PDE1C: variants seen among roughly 807,000 people sequenced by gnomAD.
The protein encoded by PDE1C is phosphodiesterase 1C.
In PDE1C, 62 loss-of-function variants were observed where a neutral mutation model predicts 93.1. That is an observed-to-expected ratio of 0.67 (90% confidence interval 0.54 to 0.82). The LOEUF (loss-of-function observed/expected upper bound fraction) is 0.82. PDE1C is among the 40% of genes least tolerant of loss of function. PDE1C has a pLI of 0.00. For missense variants in PDE1C, 742 were observed against 884.6 expected, an observed-to-expected ratio of 0.84 and a Z score of 2.04; for synonymous variants, 325 against 310.1, an observed-to-expected ratio of 1.05 and a Z score of -0.50.
intron 1 of PDE1C, among the ~76,000 whole-genome samples, chr7:32,222,970 T>C (rs1806986222): frequency 6.6e-6 from 1 of 152,182 alleles, no homozygotes; most frequent in South Asian, 2.1e-4. Flanking sequence ...CAGTAAATCG[T>C]GCGGGCTTCA....
At chr7:31,642,151 C>A in the PDE1C span, 7 of 1,534,168 alleles carry the variant, frequency 4.6e-6, no homozygotes, top group Non-Finnish European at 6.2e-6. Flanking sequence ...CCTTTAATAA[C>A]CTCAAGACCT....
At chr7:31,748,756 T>C (rs1319158694), downstream of PDE1C, among the ~76,000 whole-genome samples, 2 of 152,310 alleles carry the variant, frequency 1.3e-5, no homozygotes, top group East Asian at 3.9e-4. Context: ...AGGGCCACGC[T>C]TGGAGGCCAA....
At chr7:32,398,678 G>A (rs955926572) in intron 1 of PDE1C, among the ~76,000 whole-genome samples, 4 of 151,888 alleles carry the variant, frequency 2.6e-5, no homozygotes, top group African/African-American at 9.7e-5. Flanking sequence ...CGTGAACCAC[G>A]GTGCCCGGCC....
chr7:32,415,364 T>C (rs7801105), intron 1 of PDE1C, among the ~76,000 whole-genome samples: 5,370 of 152,196 alleles, frequency 0.035, 329 homozygotes, highest in African/African-American at 0.12. Flanking sequence ...GGCAGGAGAA[T>C]AGCTTGAATC....
intron 15 of PDE1C, among the ~76,000 whole-genome samples, chr7:31,812,035 G>A (rs986906410): frequency 3.9e-5 from 6 of 152,208 alleles, no homozygotes; most frequent in South Asian, 2.1e-4. Flanking sequence ...AATGGCTGAC[G>A]TGAGCTGTTA....
At chr7:31,768,819 AGTGGCCCAGGCT>A (rs924796550) in intron 17 of PDE1C, among the ~76,000 whole-genome samples, 5 of 151,226 alleles carry the variant, frequency 3.3e-5, no homozygotes, top group African/African-American at 1.2e-4. Flanking sequence ...TTTTGAATGG[AGTGGCCCAGGCT>A]GTGGCCCAGG....
At chr7:31,941,299 AG>A (rs1337379219) in intron 2 of PDE1C, 1 of 164,216 alleles carries the variant, frequency 6.1e-6, no homozygotes, top group Non-Finnish European at 1.4e-5. Flanking sequence ...TCTTCACCCT[AG>A]GGTCAAGTCC....
At chr7:31,795,418 G>A (rs1475837861) in intron 16 of PDE1C, among the ~76,000 whole-genome samples, 1 of 151,640 alleles carries the variant, frequency 6.6e-6, no homozygotes, top group Admixed American at 6.6e-5. Flanking sequence ...TTGAACATCA[G>A]TATTAAGGAA....
chr7:32,369,859 A>G lies in PDE1C; in HGVS notation c.310+57963T>C, dbSNP rs567708127. On this transcript the variant is annotated intron_variant, in intron 1 of 1. Transcript: ENST00000672256. ...GGTGCTGGAGAGGATGTGGAGAAAT[A>G]GGAACACTTTTACACTGTTGGTAGG... 7.2e-5 allele frequency among the ~76,000 whole-genome samples: 11 copies of G among 152,342 alleles called. No individual in the cohort carries two copies. The East Asian group carries it at 2.1e-3, about 29-fold the overall frequency.
chr7:32,369,036 A>C (rs1027110184), intron 1 of PDE1C, among the ~76,000 whole-genome samples: 3 of 152,166 alleles, frequency 2.0e-5, no homozygotes, highest in African/African-American at 7.2e-5. Context: ...AAACTGTAAA[A>C]CTACTAGAAG....
In PDE1C at chr7:32,420,120, TATATACACAC is replaced by T. The variant is rs1157671467; in HGVS notation, c.310+7692_310+7701del. On this transcript the variant is annotated intron_variant, in intron 1 of 1. Transcript: ENST00000672256. The stretch of plus-strand genomic sequence containing the variant: ...ATATATATATATATATATATATATA[TATATACACAC>T]ACACACACACACACACACACACACA... Among the ~76,000 whole-genome samples the T allele has an allele frequency of 1.6e-3, 37 of 23,166 alleles. 3 individuals are homozygous for T. Among genetic ancestry groups the T allele is most frequent in the Non-Finnish European group, 2.1e-3 (23 of 11,176 alleles). The allele number at this position is 23,166 out of a possible 152,430, so 15.2% of individuals were successfully genotyped here.
At chr7:32,097,422 C>G (rs1797809777) in intron 3 of PDE1C, among the ~76,000 whole-genome samples, 1 of 152,186 alleles carries the variant, frequency 6.6e-6, no homozygotes, top group Non-Finnish European at 1.5e-5. Context: ...GACAACCCAA[C>G]TCCAGGGCTC....
Position 32,092,164 on chromosome 7 carries a change from TGA to T in PDE1C, c.308+77619_308+77620del, listed in dbSNP as rs3078655. ...TTCCAAAGATGTTTCCTTTTGTTCA[TGA>T]GAGAGAGAGAGAGAGAGAGACTTAC... On this transcript the variant is annotated intron_variant, in intron 3 of 18. Coordinates refer to the PDE1C transcript ENST00000396193. Among the ~76,000 whole-genome samples the T allele has an allele frequency of 6.1e-4, 91 of 148,944 alleles. No individual in the cohort carries two copies. In the South Asian group the frequency reaches 0.014, roughly 23 times the overall value.
intron 3 of PDE1C, among the ~76,000 whole-genome samples, chr7:32,133,911 G>C (rs148569381): frequency 1.8e-3 from 276 of 151,762 alleles, no homozygotes; most frequent in African/African-American, 6.2e-3. Flanking sequence ...GAAAAGACAG[G>C]AAATTTCAGC....
At chr7:32,258,624 T>C (rs896983071) in intron 1 of PDE1C, among the ~76,000 whole-genome samples, 2 of 152,080 alleles carry the variant, frequency 1.3e-5, no homozygotes, top group African/African-American at 4.8e-5. Context: ...GGAATCACCA[T>C]GTTAAAAAGA....
intron 2 of PDE1C, among the ~76,000 whole-genome samples, chr7:32,179,450 G>A (rs7791341): frequency 5.5e-4 from 83 of 151,898 alleles, no homozygotes; most frequent in African/African-American, 1.7e-3. Context: ...TAGTAGAGAC[G>A]GCGTTTCACC....
the PDE1C span, among the ~76,000 whole-genome samples, chr7:31,744,353 G>A: frequency 4.6e-5 from 7 of 152,120 alleles, no homozygotes; most frequent in African/African-American, 9.7e-5. Flanking sequence ...ATACAGAAAT[G>A]TAGTGAATGA....
rs544443262 is a variant in PDE1C, at chr7:32,041,773, A to G, written c.128+9781T>C. Among the ~76,000 whole-genome samples the G allele has an allele frequency of 3.3e-5, 5 of 152,356 alleles. No homozygotes were observed. In the East Asian group the frequency reaches 9.7e-4, roughly 29 times the overall value. On this transcript the variant is annotated intron_variant, in intron 2 of 17. Coordinates refer to ENST00000396191, the MANE Select transcript of PDE1C (RefSeq NM_001191057.4). ...TCCCTTTCAATCACATTACTTAAAT[A>G]TAGCTTGTTGTTTTTTTGTTAAGTC...
At chr7:32,009,213 T>A (rs373133570) in intron 2 of PDE1C, among the ~76,000 whole-genome samples, 1 of 152,164 alleles carries the variant, frequency 6.6e-6, no homozygotes, top group Non-Finnish European at 1.5e-5. Context: ...GTGGTTGCCA[T>A]AGCTTACTGC....
Sources: allele counts gnomAD v4.1 joint callset (sites outside exome capture counted in the v4.1 genomes callset), GRCh38; gene constraint gnomAD v4.1.1; transcripts MANE v1.5; gene names NCBI Gene and HGNC (gene_info 2026-07-23, HGNC 2026-07-21).